DSCAM: variants seen among roughly 807,000 people sequenced by gnomAD.
DSCAM encodes the protein cell adhesion molecule DSCAM.
A neutral mutation model predicts 217.7 loss-of-function variants in DSCAM; 47 were observed. The ratio of observed to expected loss-of-function variants is 0.22; its 90% CI spans 0.17 to 0.28. The LOEUF is 0.28. Among genes scored for constraint, DSCAM ranks in the 10% least tolerant of loss-of-function variants. The pLI is 1.00. For synonymous variants in DSCAM, 1,056 were observed against 1,015.3 expected, an observed-to-expected ratio of 1.04 and a Z score of -0.76; for missense variants, 2,080 against 2,618.3, an observed-to-expected ratio of 0.79 and a Z score of 4.49.
chr21:40,500,543 A>C (rs1250429584), intron 3 of DSCAM, among the ~76,000 whole-genome samples: 1 of 150,462 alleles, frequency 6.6e-6, no homozygotes, highest in Non-Finnish European at 1.5e-5. Context: ...TCATGGATGC[A>C]GACGGTACTC....
rs113994431 is a variant in DSCAM at position 40,622,298 on chromosome 21, T to C, written c.508+70512A>G. Among the ~76,000 whole-genome samples the C allele has an allele frequency of 4.1e-3, 618 of 152,184 alleles. 6 individuals are homozygous for C. The highest frequency in any genetic ancestry group is 0.014 in the African/African-American group (567 of 41,526). ...TGTTGGAGGTGTACAAAAAAAGGTG[T>C]GCTTCAATGGGAAGCGCCACAATTT... On this transcript the variant is annotated intron_variant, in intron 3 of 32. Transcript: ENST00000400454.
At chr21:40,537,641 A>T (rs1800056807) in intron 3 of DSCAM, among the ~76,000 whole-genome samples, 1 of 152,122 alleles carries the variant, frequency 6.6e-6, no homozygotes, top group Non-Finnish European at 1.5e-5. Context: ...TGTCTTTATA[A>T]ATAGGAGAAA....
intron 21 of DSCAM, among the ~76,000 whole-genome samples, chr21:40,089,567 T>C (rs2089578523): frequency 6.6e-6 from 1 of 152,186 alleles, no homozygotes. Flanking sequence ...CCTCCTCTTC[T>C]TCAACTGTAT....
intron 27 of DSCAM, among the ~76,000 whole-genome samples, chr21:40,066,880 C>A (rs2146527886): frequency 6.6e-6 from 1 of 152,308 alleles, no homozygotes; most frequent in Non-Finnish European, 1.5e-5. Flanking sequence ...ACAAAACATC[C>A]TTTCTATAAC....
chr21:40,126,881 A>C (rs1382726396), intron 19 of DSCAM, among the ~76,000 whole-genome samples: 1 of 152,230 alleles, frequency 6.6e-6, no homozygotes, highest in Non-Finnish European at 1.5e-5. Context: ...GTTGAAGAAC[A>C]CGGCATTTTG....
intron 16 of DSCAM, among the ~76,000 whole-genome samples, chr21:40,145,921 T>G (rs2090349802): frequency 6.6e-6 from 1 of 151,976 alleles, no homozygotes; most frequent in Non-Finnish European, 1.5e-5. Context: ...TTTCAGGCAG[T>G]CAACAGATAT....
intron 11 of DSCAM, among the ~76,000 whole-genome samples, chr21:40,208,766 T>C (rs1226874791): frequency 6.6e-6 from 1 of 152,160 alleles, no homozygotes; most frequent in Non-Finnish European, 1.5e-5. Flanking sequence ...TCCCCTTGGG[T>C]TGCGAAACAG....
chr21:40,552,053 C>T (rs999772775), intron 3 of DSCAM, among the ~76,000 whole-genome samples: 1 of 152,084 alleles, frequency 6.6e-6, no homozygotes, highest in African/African-American at 2.4e-5. Flanking sequence ...TGGTGGCTCA[C>T]ACCTGTAATC....
At chr21:40,498,779 G>T (rs1601693218) in intron 3 of DSCAM, among the ~76,000 whole-genome samples, 1 of 70,130 alleles carries the variant, frequency 1.4e-5, no homozygotes, top group African/African-American at 4.7e-5. Flanking sequence ...ATATATGGGT[G>T]TGTATATATA....
intron 3 of DSCAM, among the ~76,000 whole-genome samples, chr21:40,654,955 G>A (rs1451209247): frequency 1.3e-5 from 2 of 152,134 alleles, no homozygotes; most frequent in African/African-American, 4.8e-5. Context: ...CAGGGGTTAA[G>A]GATACCCCCT....
chr21:40,552,679 A>G (rs186826156), intron 3 of DSCAM, among the ~76,000 whole-genome samples: 22 of 152,348 alleles, frequency 1.4e-4, no homozygotes, highest in Non-Finnish European at 2.9e-4. Flanking sequence ...CTGAAACTAC[A>G]TTTAAATCTA....
intron 3 of DSCAM, among the ~76,000 whole-genome samples, chr21:40,377,197 C>T (rs2074972273): frequency 6.6e-6 from 1 of 152,162 alleles, no homozygotes; most frequent in Non-Finnish European, 1.5e-5. Flanking sequence ...GAGGAAGATA[C>T]TGTTATTCCC....
chr21:40,653,428 T>C (rs1344834078), intron 3 of DSCAM, among the ~76,000 whole-genome samples: 2 of 152,054 alleles, frequency 1.3e-5, no homozygotes, highest in African/African-American at 4.8e-5. Context: ...CACAAGGCCA[T>C]AGATGTTGTT....
intron 11 of DSCAM, among the ~76,000 whole-genome samples, chr21:40,215,691 G>A (rs2091236550): frequency 6.6e-6 from 1 of 151,940 alleles, no homozygotes; most frequent in South Asian, 2.1e-4. Context: ...CTAGCAGTTG[G>A]GTAAATGTAT....
At chr21:40,098,743 T>C (rs1201150854) in intron 20 of DSCAM, among the ~76,000 whole-genome samples, 1 of 152,206 alleles carries the variant, frequency 6.6e-6, no homozygotes, top group Non-Finnish European at 1.5e-5. Context: ...AATTACTTAT[T>C]GTCAAAACTT....
At chr21:40,153,402 T>C (rs895564771) in intron 16 of DSCAM, among the ~76,000 whole-genome samples, 6 of 152,186 alleles carry the variant, frequency 3.9e-5, no homozygotes, top group Non-Finnish European at 8.8e-5. Context: ...AAAGGGTGAC[T>C]GGACATTGCC....
At chr21:40,303,640 C>CA (rs1245309136) in intron 9 of DSCAM, among the ~76,000 whole-genome samples, 1 of 152,116 alleles carries the variant, frequency 6.6e-6, no homozygotes, top group Non-Finnish European at 1.5e-5. Flanking sequence ...GCACTCATAA[C>CA]AGCACCTATT....
intron 11 of DSCAM, among the ~76,000 whole-genome samples, chr21:40,248,832 G>T (rs181040432): frequency 4.5e-4 from 68 of 152,300 alleles, no homozygotes; most frequent in African/African-American, 1.5e-3. Flanking sequence ...GGAAGAAAAA[G>T]AGGTTGGATT....
Position 40,083,945 on chromosome 21 carries a change from A to G in DSCAM, c.4194T>C (p.Ser1398=). Residue 1398 remains serine, a synonymous_variant, in exon 24 of 33, where the codon TCT becomes TCC. Transcript: ENST00000400454. ...SKTTSSSITL[S]WLPGDNGGSS... is the part of the protein sequence containing the mutation. ...TGCCCCCGTTGTCTCCAGGGAGCCA[A>G]GAAAGGGTGATGGAGGAAGACGTGG... 3.7e-6 allele frequency: 6 copies of G among 1,613,902 alleles called. No homozygotes were observed. The highest frequency in any genetic ancestry group is 5.1e-6 in the Non-Finnish European group (6 of 1,179,918).
Sources: gnomAD v4.1 joint callset for allele counts (sites outside exome capture counted in the v4.1 genomes callset) on GRCh38, gnomAD v4.1.1 for gene constraint, MANE v1.5 for transcripts, NCBI Gene and HGNC (gene_info 2026-07-23, HGNC 2026-07-21) for gene names.